ELAVL2: variants seen among roughly 807,000 people sequenced by gnomAD.
ELAVL2 encodes the protein ELAV like RNA binding protein 2.
Under a neutral mutation model 34.6 loss-of-function variants are expected in ELAVL2, and 4 were observed. The observed-to-expected ratio is 0.12, with a 90% CI of 0.06 to 0.26. ELAVL2 has a LOEUF of 0.26. Ranked by LOEUF, ELAVL2 falls within the 10% of genes least tolerant of loss-of-function variation. The pLI, the probability that ELAVL2 is intolerant of heterozygous loss-of-function variation, is 1.00. For synonymous variants in ELAVL2, 193 were observed against 154.8 expected (o/e 1.25, Z -1.83); for missense variants, 432 against 442.8 (o/e 0.98, Z 0.22).
intron 3 of ELAVL2, 149 bp from the exon 4 acceptor site, chr9:23,705,220 C>A: frequency 2.3e-6 from 2 of 865,974 alleles, no homozygotes; most frequent in Non-Finnish European, 3.5e-6. Flanking sequence ...TTATTCATTT[C>A]CAGGAAAATT....
At chr9:23,809,494 T>C (rs10966083) in intron 1 of ELAVL2, among the ~76,000 whole-genome samples, 5,529 of 152,148 alleles carry the variant, frequency 0.036, 175 homozygotes, top group Non-Finnish European at 0.051. Flanking sequence ...TGAGAAAACA[T>C]GGGATTAGTT....
intron 1 of ELAVL2, among the ~76,000 whole-genome samples, chr9:23,787,775 AT>A (rs1208784559): frequency 6.6e-6 from 1 of 152,176 alleles, no homozygotes; most frequent in Non-Finnish European, 1.5e-5. Flanking sequence ...TTTGATTCTA[AT>A]CTGCAAGCAA....
chr9:23,721,099 G>A (rs1241910907), intron 3 of ELAVL2, among the ~76,000 whole-genome samples: 4 of 152,238 alleles, frequency 2.6e-5, no homozygotes, highest in South Asian at 2.1e-4. Flanking sequence ...TCCACTGATC[G>A]TTAGTTTCTA....
chr9:23,810,959 C>A (rs1251070503), intron 1 of ELAVL2, among the ~76,000 whole-genome samples: 1 of 152,154 alleles, frequency 6.6e-6, no homozygotes, highest in East Asian at 1.9e-4. Context: ...AGTGGCAGAT[C>A]CCTGCTGCCC....
intron 1 of ELAVL2, among the ~76,000 whole-genome samples, chr9:23,818,202 T>C (rs1267174117): frequency 3.3e-5 from 5 of 152,192 alleles, no homozygotes; most frequent in African/African-American, 1.2e-4. Flanking sequence ...GTGAATTTGA[T>C]AGTCAGGTGT....
intron 2 of ELAVL2, among the ~76,000 whole-genome samples, chr9:23,748,367 G>T (rs971681896): frequency 6.6e-6 from 1 of 152,132 alleles, no homozygotes; most frequent in Non-Finnish European, 1.5e-5. Context: ...TGTGTCCTGT[G>T]TCCCAAGACC....
At chr9:23,704,863 C>T (rs2038783025) in intron 4 of ELAVL2, 55 bp downstream of exon 4, 2 of 1,596,278 alleles carry the variant, frequency 1.3e-6, no homozygotes, top group Non-Finnish European at 1.7e-6. Flanking sequence ...CAGAATATTT[C>T]ACAATCTGCT....
intron 1 of ELAVL2, among the ~76,000 whole-genome samples, chr9:23,804,546 A>C (rs2137800389): frequency 6.6e-6 from 1 of 152,308 alleles, no homozygotes; most frequent in East Asian, 1.9e-4. Context: ...GAACATTCCA[A>C]GGTTTTGCTA....
At chr9:23,845,642 T>C in the ELAVL2 span, among the ~76,000 whole-genome samples, 2 of 151,754 alleles carry the variant, frequency 1.3e-5, no homozygotes, top group African/African-American at 4.8e-5. Flanking sequence ...AGTACTCTCA[T>C]AGTAATGAGG....
At chr9:23,771,783 G>A (rs1381113316) in intron 1 of ELAVL2, among the ~76,000 whole-genome samples, 1 of 152,174 alleles carries the variant, frequency 6.6e-6, no homozygotes, top group African/African-American at 2.4e-5. Context: ...GTCACATTTT[G>A]TAAAATGGGA....
intron 1 of ELAVL2, among the ~76,000 whole-genome samples, chr9:23,816,022 T>C (rs2063654123): frequency 6.6e-6 from 1 of 152,140 alleles, no homozygotes; most frequent in South Asian, 2.1e-4. Context: ...CAACTCTAAT[T>C]GCCAAAGTCC....
chr9:23,785,641 C>G (rs970441303), intron 1 of ELAVL2, among the ~76,000 whole-genome samples: 4 of 152,162 alleles, frequency 2.6e-5, no homozygotes, highest in African/African-American at 9.7e-5. Flanking sequence ...ACCCAAAACT[C>G]CCAGTATGAG....
chr9:23,800,518 A>C (rs1222830431), intron 1 of ELAVL2, among the ~76,000 whole-genome samples: 1 of 152,192 alleles, frequency 6.6e-6, no homozygotes, highest in East Asian at 1.9e-4. Context: ...TTATTCAAGG[A>C]TGAAGTGAAA....
chr9:23,695,832 G>T (rs62539993), intron 5 of ELAVL2, among the ~76,000 whole-genome samples: 4,267 of 152,166 alleles, frequency 0.028, 107 homozygotes, highest in South Asian at 0.052. Context: ...ATGGTACCAC[G>T]GTCGTACATG....
chr9:23,810,759 C>T (rs1169359951), intron 1 of ELAVL2, among the ~76,000 whole-genome samples: 1 of 152,146 alleles, frequency 6.6e-6, no homozygotes, highest in Non-Finnish European at 1.5e-5. Flanking sequence ...TCATTTTCCT[C>T]ACCTATAAAA....
intron 2 of ELAVL2, among the ~76,000 whole-genome samples, chr9:23,751,773 G>T (rs1375974041): frequency 6.6e-6 from 1 of 152,150 alleles, no homozygotes; most frequent in Non-Finnish European, 1.5e-5. Context: ...AAGCTCACTT[G>T]AGAGCACCTT....
At chr9:23,733,395 A>G (rs2047080382) in intron 2 of ELAVL2, among the ~76,000 whole-genome samples, 1 of 152,068 alleles carries the variant, frequency 6.6e-6, no homozygotes, top group Non-Finnish European at 1.5e-5. Flanking sequence ...AAGCATTGGT[A>G]CTAGCTTTTT....
chr9:23,802,699 A>T (rs1388507555), intron 1 of ELAVL2, among the ~76,000 whole-genome samples: 1 of 152,174 alleles, frequency 6.6e-6, no homozygotes, highest in Non-Finnish European at 1.5e-5. Context: ...TTCCTCTCAT[A>T]AATGTACAGT....
At chr9:23,716,351 G>C (rs573177015) in intron 3 of ELAVL2, among the ~76,000 whole-genome samples, 3 of 152,166 alleles carry the variant, frequency 2.0e-5, no homozygotes, top group African/African-American at 7.2e-5. Flanking sequence ...CTTTGTTTTT[G>C]TATGAAACAA....
Sources: gnomAD v4.1 joint callset for allele counts (sites outside exome capture counted in the v4.1 genomes callset) on GRCh38, gnomAD v4.1.1 for gene constraint, MANE v1.5 for transcripts, NCBI Gene and HGNC (gene_info 2026-07-23, HGNC 2026-07-21) for gene names.